Variants in ESR1 observed in about 807,000 individuals in gnomAD.
ESR1 encodes the protein estrogen receptor.
Under a neutral mutation model 52.7 loss-of-function variants are expected in ESR1, and 12 were observed. The ratio of observed to expected loss-of-function variants is 0.23; its 90% CI spans 0.15 to 0.37. ESR1 has a LOEUF of 0.37. ESR1 is among the 10% of genes least tolerant of loss of function. The probability of loss-of-function intolerance (pLI) is 1.00; values close to 1 mark genes in which losing one functional copy is unlikely to be tolerated. For missense variants in ESR1, 584 were observed against 779.7 expected, an observed-to-expected ratio of 0.75 and a Z score of 2.99; for synonymous variants, 305 against 316.8, an observed-to-expected ratio of 0.96 and a Z score of 0.39.
At chr6:151,834,520 C>T (rs989382739) in intron 1 of ESR1, among the ~76,000 whole-genome samples, 15 of 151,894 alleles carry the variant, frequency 9.9e-5, no homozygotes, top group Admixed American at 4.6e-4. Flanking sequence ...GACACAGGGA[C>T]GGGAACATTA....
chr6:151,807,550 C>A (rs1778074071), upstream of ESR1: 2 of 400,198 alleles, frequency 5.0e-6, no homozygotes, highest in East Asian at 4.9e-5. Context: ...CGCTCCAAAT[C>A]GAGTTGTGCC....
intron 1 of ESR1, among the ~76,000 whole-genome samples, chr6:151,667,654 G>A (rs1777878011): frequency 6.6e-6 from 1 of 152,190 alleles, no homozygotes; most frequent in Non-Finnish European, 1.5e-5. Context: ...ACAGGATCTT[G>A]AACTGGGCTA....
At chr6:152,006,133 C>T (rs2042313798) in intron 4 of ESR1, among the ~76,000 whole-genome samples, 1 of 151,968 alleles carries the variant, frequency 6.6e-6, no homozygotes, top group Non-Finnish European at 1.5e-5. Context: ...CATTGAGACT[C>T]ACAATATTTC....
intron 3 of ESR1, among the ~76,000 whole-genome samples, chr6:151,920,561 A>G (rs2128460951): frequency 6.6e-6 from 1 of 152,202 alleles, no homozygotes; most frequent in South Asian, 2.1e-4. Flanking sequence ...AGGATATGGT[A>G]TGTATAGTTG....
chr6:151,658,351 A>C (rs1400128584), intron 1 of ESR1, among the ~76,000 whole-genome samples: 1 of 152,170 alleles, frequency 6.6e-6, no homozygotes, highest in Non-Finnish European at 1.5e-5. Context: ...ATTGATTCTG[A>C]AATCCTTTTC....
chr6:151,872,863 G>T (rs1011697225), intron 2 of ESR1, among the ~76,000 whole-genome samples: 8 of 152,166 alleles, frequency 5.3e-5, no homozygotes, highest in African/African-American at 1.9e-4. Context: ...CCCTTGTACC[G>T]TTGTGGCTGG....
chr6:152,035,674 C>T (rs763988307), intron 5 of ESR1, among the ~76,000 whole-genome samples: 2 of 152,006 alleles, frequency 1.3e-5, no homozygotes, highest in African/African-American at 2.4e-5. Context: ...AGTCATAAAG[C>T]TATAATAATT....
At chr6:151,909,615 G>A (rs1030025357) in intron 3 of ESR1, among the ~76,000 whole-genome samples, 1 of 152,190 alleles carries the variant, frequency 6.6e-6, no homozygotes. Flanking sequence ...GGTGGAGTCT[G>A]TTCCTGGAAG....
upstream of ESR1, among the ~76,000 whole-genome samples, chr6:151,799,449 C>T (rs769786360): frequency 2.6e-5 from 4 of 152,148 alleles, no homozygotes; most frequent in Non-Finnish European, 5.9e-5. Flanking sequence ...TTACTTCTTT[C>T]GAGGTAAATC....
intron 2 of ESR1, among the ~76,000 whole-genome samples, chr6:151,704,520 G>T (rs937685235): frequency 2.6e-5 from 4 of 152,210 alleles, no homozygotes; most frequent in African/African-American, 9.6e-5. Flanking sequence ...CTCCCAAAGT[G>T]TTGGGATTAC....
intron 3 of ESR1, among the ~76,000 whole-genome samples, chr6:151,894,228 AC>A (rs1405704639): frequency 6.6e-6 from 1 of 151,540 alleles, no homozygotes; most frequent in Non-Finnish European, 1.5e-5. Flanking sequence ...TCCTTAGCCC[AC>A]TTTTTGATGG....
At chr6:151,840,069 T>C (rs1250067555) in intron 1 of ESR1, among the ~76,000 whole-genome samples, 5 of 152,232 alleles carry the variant, frequency 3.3e-5, no homozygotes, top group Non-Finnish European at 5.9e-5. Context: ...CACTCACTTA[T>C]TCCTTCATTC....
At chr6:151,736,518 A>G (rs1248694991) in intron 2 of ESR1, among the ~76,000 whole-genome samples, 13 of 151,848 alleles carry the variant, frequency 8.6e-5, no homozygotes, top group Non-Finnish European at 1.8e-4. Context: ...GACTACAGGC[A>G]CAAGCCACCA....
At chr6:151,794,183 G>T (rs1329511684) in intron 2 of ESR1, among the ~76,000 whole-genome samples, 1 of 152,130 alleles carries the variant, frequency 6.6e-6, no homozygotes, top group Non-Finnish European at 1.5e-5. Context: ...AATGTGAAAA[G>T]TTAACCATAA....
downstream of ESR1, among the ~76,000 whole-genome samples, chr6:152,108,111 CAG>C (rs2051088150): frequency 6.6e-6 from 1 of 152,206 alleles, no homozygotes. Flanking sequence ...AGACAGGAGT[CAG>C]GGGCTAGCTA....
rs117496319 is a variant in ESR1, at chr6:151,753,125, A to G, written c.-71+51120A>G. On this transcript the variant is annotated intron_variant, in intron 2 of 2. Coordinates refer to the ESR1 transcript ENST00000404742. ...TGCTAGCCTGGTAACACAGTCACCA[A>G]CTACACAGCTTCTTCAACTGTTGAC... is the stretch of plus-strand genomic sequence containing the variant. Among the ~76,000 whole-genome samples, 425 of 152,294 alleles carry G rather than the reference A, an allele frequency of 2.8e-3. 4 individuals are homozygous for G. Among genetic ancestry groups the G allele is most frequent in the East Asian group, 0.017 (90 of 5,184 alleles).
intron 2 of ESR1, among the ~76,000 whole-genome samples, chr6:151,749,819 A>G (rs1783769225): frequency 6.6e-6 from 1 of 152,160 alleles, no homozygotes; most frequent in Non-Finnish European, 1.5e-5. Flanking sequence ...TGCTAGACAG[A>G]GCTCTGTCAA....
At chr6:151,983,792 C>T (rs1424675721) in intron 4 of ESR1, among the ~76,000 whole-genome samples, 2 of 152,002 alleles carry the variant, frequency 1.3e-5, no homozygotes, top group African/African-American at 4.8e-5. Flanking sequence ...GGGGCAATGG[C>T]AGAAGTGGTT....
chr6:152,040,967 G>A (rs1425705984), intron 5 of ESR1, among the ~76,000 whole-genome samples: 1 of 152,192 alleles, frequency 6.6e-6, no homozygotes, highest in Non-Finnish European at 1.5e-5. Context: ...GAATGCTGCT[G>A]TGCACAACCC....
Sources: gnomAD v4.1 joint callset for allele counts (sites outside exome capture counted in the v4.1 genomes callset) on GRCh38, gnomAD v4.1.1 for gene constraint, MANE v1.5 for transcripts, NCBI Gene and HGNC (gene_info 2026-07-23, HGNC 2026-07-21) for gene names.